The following KCNQ5 variants were observed in gnomAD, a reference collection of about 807,000 sequenced individuals.
KCNQ5 encodes the protein potassium voltage-gated channel subfamily KQT member 5.
A neutral mutation model predicts 98.2 loss-of-function variants in KCNQ5; 30 were observed. That is an observed-to-expected ratio of 0.31 (90% CI 0.23 to 0.41). KCNQ5 has a LOEUF of 0.41. Ranked by LOEUF, KCNQ5 falls within the 10% of genes least tolerant of loss-of-function variation. KCNQ5 has a pLI of 1.00. For synonymous variants in KCNQ5, 458 were observed against 449.4 expected (o/e 1.02, Z -0.24); for missense variants, 835 against 1,182.5 (o/e 0.71, Z 4.31).
chr6:72,987,292 T>G (rs1219557486), intron 1 of KCNQ5: 2 of 694,810 alleles, frequency 2.9e-6, no homozygotes, highest in African/African-American at 3.4e-5. Context: ...TTAGAGGTGG[T>G]GTTGGAAAAG....
chr6:72,717,616 T>C lies in KCNQ5; in HGVS notation c.398+95029T>C, dbSNP rs561742476. Among the ~76,000 whole-genome samples the C allele has an allele frequency of 3.9e-5, 6 of 152,288 alleles. 1 individual carries two copies. The South Asian group carries it at 1.0e-3, about 26-fold the overall frequency. On this transcript the variant is annotated intron_variant, in intron 1 of 13. Coordinates refer to ENST00000370398, the MANE Select transcript of KCNQ5 (RefSeq NM_019842.4). ...GGTACAGTCTTTAATAAAGCCTTTA[T>C]TCATTTATGTAGGGCCTTGGGGCTC...
chr6:73,001,202 T>C (rs1769553582), intron 1 of KCNQ5, among the ~76,000 whole-genome samples: 1 of 152,174 alleles, frequency 6.6e-6, no homozygotes, highest in Non-Finnish European at 1.5e-5. Flanking sequence ...CCCTCCCCAC[T>C]TTCAGCCTCT....
chr6:73,000,072 G>A (rs923967723), intron 1 of KCNQ5, among the ~76,000 whole-genome samples: 8 of 151,962 alleles, frequency 5.3e-5, no homozygotes, highest in African/African-American at 1.2e-4. Context: ...TCTTGCCACC[G>A]CTTCTACTTG....
chr6:72,812,715 C>A (rs1451319585), intron 1 of KCNQ5, among the ~76,000 whole-genome samples: 1 of 152,148 alleles, frequency 6.6e-6, no homozygotes, highest in Non-Finnish European at 1.5e-5. Context: ...AAGGCTAGCT[C>A]CACTTAGAAG....
intron 1 of KCNQ5, among the ~76,000 whole-genome samples, chr6:72,852,638 G>A (rs1452241606): frequency 1.6e-4 from 4 of 24,526 alleles, no homozygotes; most frequent in African/African-American, 6.0e-4. Context: ...AGATGAAGGG[G>A]AAATATATAT....
At chr6:72,814,144 G>A (rs892732330) in intron 1 of KCNQ5, among the ~76,000 whole-genome samples, 3 of 152,222 alleles carry the variant, frequency 2.0e-5, no homozygotes, top group African/African-American at 7.2e-5. Flanking sequence ...TTGAATCTAG[G>A]AACAGAAGGA....
In KCNQ5 at chr6:73,055,177, C is replaced by A. The variant is rs1172800537; in HGVS notation, c.616+13115C>A. The A allele has an allele frequency of 4.6e-6, 4 of 870,566 alleles. No individual in the cohort carries two copies. The East Asian group carries it at 7.3e-5, about 16-fold the overall frequency. 53.9% of individuals were successfully genotyped at this position (870,566 alleles called of 1,614,324 possible). On this transcript the variant is annotated intron_variant, in intron 3 of 13. Transcript: ENST00000370398. ...AGAACCACTTCAGCGGCTGGTACGA[C>A]GCCATCCTGAGCCCAGCGGGCCATG...
chr6:72,833,345 T>C (rs1776363715), intron 1 of KCNQ5, among the ~76,000 whole-genome samples: 2 of 152,264 alleles, frequency 1.3e-5, no homozygotes, highest in African/African-American at 4.8e-5. Flanking sequence ...TCCCCAAAGT[T>C]CTGGAACCAT....
intron 1 of KCNQ5, among the ~76,000 whole-genome samples, chr6:72,803,469 T>C (rs1041320656): frequency 6.6e-6 from 1 of 152,160 alleles, no homozygotes; most frequent in Non-Finnish European, 1.5e-5. Context: ...ATGGTTTTCA[T>C]TTCCAAAAGT....
At position 73,103,994 on chromosome 6, in the gene KCNQ5, G is replaced by A. The variant is rs6904097; in HGVS notation, c.919-1263G>A. Among the ~76,000 whole-genome samples, 583 of 151,736 alleles carry A rather than the reference G, an allele frequency of 3.8e-3. 3 individuals are homozygous for A. Among genetic ancestry groups the A allele is most frequent in the African/African-American group, 0.013 (537 of 41,354 alleles). ...ACTCATAAATATATATACCTACTGT[G>A]TACCCACAAAAATTAAAAATTATTA... On this transcript the variant is annotated intron_variant, in intron 5 of 13. Coordinates refer to ENST00000370398, the MANE Select transcript of KCNQ5 (RefSeq NM_019842.4).
chr6:73,065,924 A>G lies in KCNQ5; in HGVS notation c.617-11398A>G, dbSNP rs565039465. On this transcript the variant is annotated intron_variant, in intron 3 of 13. Coordinates refer to ENST00000370398, the MANE Select transcript of KCNQ5 (RefSeq NM_019842.4). ...CACTTTGGGAGGCCAAGGTGGGTGG[A>G]TCACTTGAGGTCAGGAGTTCGAGAC... Among the ~76,000 whole-genome samples the G allele has an allele frequency of 2.2e-4, 33 of 152,320 alleles. No homozygotes were observed. In the South Asian group the frequency reaches 5.4e-3, roughly 25 times the overall value.
At chr6:73,134,359 C>G (rs769533949) in intron 10 of KCNQ5, 1 of 157,226 alleles carries the variant, frequency 6.4e-6, no homozygotes, top group Non-Finnish European at 1.4e-5. Context: ...AACTAGGCCC[C>G]CTGGGATCTC....
chr6:72,675,020 G>A (rs1767337009), intron 1 of KCNQ5, among the ~76,000 whole-genome samples: 1 of 152,150 alleles, frequency 6.6e-6, no homozygotes, highest in African/African-American at 2.4e-5. Flanking sequence ...TATTTGCTAA[G>A]TTGCACTTTA....
intron 1 of KCNQ5, among the ~76,000 whole-genome samples, chr6:72,796,875 G>A (rs752128005): frequency 1.3e-5 from 2 of 152,136 alleles, no homozygotes; most frequent in African/African-American, 4.8e-5. Flanking sequence ...GGATTAAAGG[G>A]CAAGAACATC....
intron 11 of KCNQ5, among the ~76,000 whole-genome samples, chr6:73,178,242 T>G (rs1360924585): frequency 6.9e-6 from 1 of 145,168 alleles, no homozygotes; most frequent in African/African-American, 2.7e-5. Flanking sequence ...GATCTGGAAG[T>G]TCTTGCTTGG....
chr6:73,077,172 A>T (rs1210130355), intron 3 of KCNQ5, 150 bp from the exon 4 acceptor site: 1 of 697,604 alleles, frequency 1.4e-6, no homozygotes, highest in East Asian at 2.7e-5. Context: ...GAAATGCCAC[A>T]GAGGCCAAGT....
intron 1 of KCNQ5, among the ~76,000 whole-genome samples, chr6:72,937,476 A>G (rs1156854290): frequency 2.6e-5 from 4 of 152,246 alleles, no homozygotes; most frequent in Non-Finnish European, 5.9e-5. Context: ...TATAGCACAC[A>G]TTACCAAAAT....
intron 1 of KCNQ5, among the ~76,000 whole-genome samples, chr6:72,671,937 C>T (rs1767132272): frequency 6.6e-6 from 1 of 152,040 alleles, no homozygotes; most frequent in Admixed American, 6.5e-5. Flanking sequence ...CTGCCTCAGC[C>T]TCCCAAGTAG....
chr6:73,072,949 A>C (rs1157717141), intron 3 of KCNQ5, among the ~76,000 whole-genome samples: 1 of 151,420 alleles, frequency 6.6e-6, no homozygotes, highest in Non-Finnish European at 1.5e-5. Context: ...TAGCAGTTCT[A>C]TTTCTTTCTC....
Sources: allele counts gnomAD v4.1 joint callset (sites outside exome capture counted in the v4.1 genomes callset), GRCh38; gene constraint gnomAD v4.1.1; transcripts MANE v1.5; gene names NCBI Gene and HGNC (gene_info 2026-07-23, HGNC 2026-07-21).